The following UBE2D3 variants were observed in gnomAD, a reference collection of about 807,000 sequenced individuals.
UBE2D3 encodes ubiquitin-conjugating enzyme E2 D3.
In UBE2D3, 2 loss-of-function variants were observed where a neutral mutation model predicts 22.8. The ratio of observed to expected loss-of-function variants is 0.09; its 90% CI spans 0.04 to 0.28. The LOEUF (loss-of-function observed/expected upper bound fraction) is 0.28. Ranked by LOEUF, UBE2D3 falls within the 10% of genes least tolerant of loss-of-function variation. UBE2D3 has a pLI of 1.00. For synonymous variants in UBE2D3, 56 were observed against 60.4 expected (o/e 0.93, Z 0.34); for missense variants, 27 against 182.5 (o/e 0.15, Z 4.91).
chr4:102,868,765 G>T, exon 1 of UBE2D3: 1 of 1,614,036 alleles, frequency 6.2e-7, no homozygotes, highest in South Asian at 1.1e-5. Flanking sequence ...TTATCTCATC[G>T]CACACAGTAT....
rs1050057998 is a variant in UBE2D3, at chr4:102,826,866, T to C, written c.-128-230A>G. ...GCCTCTAGAAAGGAAGAGACCCGGG[T>C]GGGAGAGGAAGAGGCGTAGGAGAAA... On this transcript the variant is annotated intron_variant, in intron 1 of 7. Coordinates refer to ENST00000453744, the MANE Select transcript of UBE2D3 (RefSeq NM_181891.3). The C allele has an allele frequency of 3.5e-5, 38 of 1,083,360 alleles. No homozygotes were observed. The Middle Eastern group carries it at 2.0e-3, about 57-fold the overall frequency. The allele number at this position is 1,083,360 out of a possible 1,614,324, so 67.1% of individuals were successfully genotyped here.
chr4:102,827,939 C>T, upstream of UBE2D3: 3 of 985,594 alleles, frequency 3.0e-6, no homozygotes, highest in Non-Finnish European at 2.4e-6. Flanking sequence ...CCCCAGTTTC[C>T]TCACTTGGTA....
At chr4:102,822,753 G>C (rs1729816501) in intron 2 of UBE2D3, among the ~76,000 whole-genome samples, 1 of 40,326 alleles carries the variant, frequency 2.5e-5, no homozygotes, top group South Asian at 6.2e-4. Context: ...GGTTAACACG[G>C]TGAAACCCTG....
In UBE2D3 at chr4:102,809,811, T is replaced by C; in HGVS notation, c.69A>G (p.Ala23=). ...ACTTACTATCATCCCCAACTGGACCTGCAGAACATTGTGCTGGAGGGTCAC... is the reference window on the plus strand; with the variant it reads ...ACTTACTATCATCCCCAACTGGACCCGCAGAACATTGTGCTGGAGGGTCAC... The part of the protein sequence containing the change: ...LARDPPAQCS[A]GPVGDDMFHW... The change falls in exon 3 of 8, where the codon GCA becomes GCG. Residue 23 remains alanine (A), a synonymous_variant. Transcript: ENST00000453744. The C allele has an allele frequency of 1.2e-6, 2 of 1,614,034 alleles. No individual in the cohort carries two copies. Among genetic ancestry groups the C allele is most frequent in the Non-Finnish European group, 1.7e-6 (2 of 1,180,008 alleles).
chr4:102,850,678 A>T (rs1732295813), intron 1 of UBE2D3, among the ~76,000 whole-genome samples: 1 of 152,202 alleles, frequency 6.6e-6, no homozygotes, highest in Non-Finnish European at 1.5e-5. Context: ...TTCTCTGTGA[A>T]CAAATATGAA....
intron 1 of UBE2D3, among the ~76,000 whole-genome samples, chr4:102,859,990 C>T (rs1732804894): frequency 6.6e-6 from 1 of 151,922 alleles, no homozygotes; most frequent in Non-Finnish European, 1.5e-5. Flanking sequence ...GGACTACAGG[C>T]ACCCACCACC....
chr4:102,847,810 AT>A (rs1215762363), intron 1 of UBE2D3, among the ~76,000 whole-genome samples: 1 of 151,818 alleles, frequency 6.6e-6, no homozygotes, highest in African/African-American at 2.4e-5. Flanking sequence ...TGCGCAGCTA[AT>A]TAAAAAAAAA....
intron 2 of UBE2D3, among the ~76,000 whole-genome samples, chr4:102,825,008 G>A (rs1037401909): frequency 3.3e-5 from 5 of 152,158 alleles, no homozygotes; most frequent in Admixed American, 1.3e-4. Flanking sequence ...AAATGACGAT[G>A]TTATGAAGGC....
At chr4:102,842,263 C>T (rs893404803) in intron 1 of UBE2D3, among the ~76,000 whole-genome samples, 1 of 151,038 alleles carries the variant, frequency 6.6e-6, no homozygotes, top group Non-Finnish European at 1.5e-5. Flanking sequence ...AAAAAAGAGT[C>T]CTCTTTGCTG....
chr4:102,856,380 T>TA (rs1732620075), intron 1 of UBE2D3, among the ~76,000 whole-genome samples: 1 of 151,934 alleles, frequency 6.6e-6, no homozygotes, highest in Non-Finnish European at 1.5e-5. Flanking sequence ...TAATAATGAA[T>TA]AAAAAATTAA....
intron 1 of UBE2D3, among the ~76,000 whole-genome samples, chr4:102,850,111 G>A (rs1732265856): frequency 6.6e-6 from 1 of 152,004 alleles, no homozygotes; most frequent in Non-Finnish European, 1.5e-5. Context: ...ATGAACAAAC[G>A]ATAAACACCA....
intron 4 of UBE2D3, among the ~76,000 whole-genome samples, chr4:102,805,634 T>A (rs766254243): frequency 6.6e-6 from 1 of 152,048 alleles, no homozygotes; most frequent in African/African-American, 2.4e-5. Flanking sequence ...ATTACAGGCA[T>A]GTGCCACTAC....
At position 102,826,659 on chromosome 4, in the gene UBE2D3, C is replaced by G. The variant is rs573600054; in HGVS notation, c.-128-23G>C. ...CGCCTTTTGCAAAAACGGAGCAGAT[C>G]AGCACTCGCACAGGCCCCGAAGAGC... On this transcript the variant is annotated intron_variant, in intron 1 of 7. Coordinates refer to ENST00000453744, the MANE Select transcript of UBE2D3 (RefSeq NM_181891.3). 106 of 1,545,512 alleles carry G rather than the reference C, an allele frequency of 6.9e-5. 1 individual carries two copies. In the East Asian group the frequency reaches 1.7e-3, roughly 25 times the overall value.
chr4:102,830,963 TATA>T (rs1173123564), upstream of UBE2D3, among the ~76,000 whole-genome samples: 5 of 152,346 alleles, frequency 3.3e-5, no homozygotes, highest in Middle Eastern at 3.4e-3. Context: ...GCCACGTTAT[TATA>T]ATAACTTGAG....
intron 2 of UBE2D3, among the ~76,000 whole-genome samples, chr4:102,824,372 T>A (rs1455756683): frequency 6.6e-6 from 1 of 152,236 alleles, no homozygotes; most frequent in Non-Finnish European, 1.5e-5. Context: ...AAGAGCCTGT[T>A]CAAATTTGCA....
chr4:102,814,678 T>C (rs1022158860), intron 2 of UBE2D3, among the ~76,000 whole-genome samples: 1 of 152,084 alleles, frequency 6.6e-6, no homozygotes, highest in African/African-American at 2.4e-5. Flanking sequence ...TAGGAATCAC[T>C]ACCTGGCACA....
Position 102,826,649 on chromosome 4 carries a change from C to A in UBE2D3, c.-128-13G>T, listed in dbSNP as rs949318971. The A allele has an allele frequency of 1.3e-6, 2 of 1,561,146 alleles. No homozygotes were observed. The highest frequency in any genetic ancestry group is 1.7e-6 in the Non-Finnish European group (2 of 1,163,522). On this transcript the variant is annotated splice_polypyrimidine_tract_variant and intron_variant, in intron 1 of 7. Coordinates refer to ENST00000453744, the MANE Select transcript of UBE2D3 (RefSeq NM_181891.3). ...CAGACACAGGCGCCTTTTGCAAAAA[C>A]GGAGCAGATCAGCACTCGCACAGGC... is the stretch of plus-strand genomic sequence containing the variant.
chr4:102,839,610 C>A (rs987816526), intron 1 of UBE2D3, among the ~76,000 whole-genome samples: 21 of 152,226 alleles, frequency 1.4e-4, no homozygotes, highest in African/African-American at 5.1e-4. Context: ...TTATGCTTTA[C>A]AAGGTACTAG....
At chr4:102,833,736 A>G (rs1039618135) in intron 1 of UBE2D3, among the ~76,000 whole-genome samples, 1 of 152,238 alleles carries the variant, frequency 6.6e-6, no homozygotes, top group Non-Finnish European at 1.5e-5. Flanking sequence ...TGTTAGAAGC[A>G]TTTTAAGATT....
Sources: allele counts gnomAD v4.1 joint callset (sites outside exome capture counted in the v4.1 genomes callset), GRCh38; gene constraint gnomAD v4.1.1; transcripts MANE v1.5; gene names NCBI Gene and HGNC (gene_info 2026-07-23, HGNC 2026-07-21).